Variants in BTD observed in about 807,000 individuals in gnomAD.
BTD encodes the protein biotinidase.
BTD carries 13 observed loss-of-function variants against 17.7 expected under a neutral mutation model. That is an observed-to-expected ratio of 0.74 (90% CI 0.48 to 1.17). BTD has a LOEUF of 1.17. Ranked by LOEUF, BTD falls within the 50% of genes most tolerant of loss-of-function variation. BTD has a pLI of 0.00. For synonymous variants in BTD, 240 were observed against 245.2 expected (o/e 0.98, Z 0.20); for missense variants, 674 against 650.4 (o/e 1.04, Z -0.39).
Position 15,642,003 on chromosome 3 carries a change from C to T in BTD, c.345C>T (p.Pro115=), listed in dbSNP as rs767937184. 1 of 1,614,180 alleles carries T rather than the reference C, an allele frequency of 6.2e-7. No homozygotes were observed. Among genetic ancestry groups the T allele is most frequent in the Admixed American group, 1.7e-5 (1 of 60,018 alleles). Residue 115 remains proline, a synonymous_variant, in exon 3 of 4, where the codon CCC becomes CCT. Coordinates refer to ENST00000643237, the MANE Select transcript of BTD (RefSeq NM_001370658.1). ...IYPFLDFMPS[P]QVVRWNPCLE... The stretch of plus-strand genomic sequence containing the variant: ...CATTTTTGGACTTCATGCCGTCTCC[C>T]CAGGTGGTCAGGTGGAACCCATGCC...
At chr3:15,655,581 C>A (rs1277181191), downstream of BTD, among the ~76,000 whole-genome samples, 1 of 152,134 alleles carries the variant, frequency 6.6e-6, no homozygotes, top group African/African-American at 2.4e-5. Context: ...GCCCAGAGAC[C>A]AGGCCTGGCT....
chr3:15,694,659 G>T, intron 3 of BTD: 1 of 1,248,962 alleles, frequency 8.0e-7, no homozygotes, highest in Non-Finnish European at 1.2e-6. Context: ...TATGGTACTA[G>T]TTTGAGTCAA....
chr3:15,609,568 C>A (rs1668777796), intron 1 of BTD, among the ~76,000 whole-genome samples: 2 of 152,074 alleles, frequency 1.3e-5, no homozygotes, highest in Non-Finnish European at 2.9e-5. Context: ...TGAGAGCTAC[C>A]CTTTCTCCAT....
chr3:15,685,420 A>G, intron 3 of BTD: 1 of 1,614,022 alleles, frequency 6.2e-7, no homozygotes, highest in South Asian at 1.1e-5. Context: ...TAATGCATCT[A>G]CACATTCTTC....
intron 1 of BTD, among the ~76,000 whole-genome samples, chr3:15,629,616 C>T (rs532416586): frequency 3.3e-5 from 5 of 152,282 alleles, no homozygotes; most frequent in Admixed American, 1.3e-4. Flanking sequence ...CTCCGCCGCC[C>T]GAGTTCAAGC....
chr3:15,671,750 A>C (rs2066386459), intron 3 of BTD, among the ~76,000 whole-genome samples: 1 of 151,744 alleles, frequency 6.6e-6, no homozygotes, highest in African/African-American at 2.4e-5. Context: ...TGACCAGCTA[A>C]TTTTTTATAT....
chr3:15,666,866 T>A (rs1408321039), intron 3 of BTD, among the ~76,000 whole-genome samples: 2 of 152,252 alleles, frequency 1.3e-5, no homozygotes, highest in African/African-American at 4.8e-5. Flanking sequence ...TAGTCTTCCA[T>A]GACGCCTGTT....
chr3:15,627,768 C>CAA (rs2065101713), intron 1 of BTD, among the ~76,000 whole-genome samples: 2 of 152,220 alleles, frequency 1.3e-5, no homozygotes, highest in Non-Finnish European at 2.9e-5. Flanking sequence ...ATTGCCCAGG[C>CAA]TGGAGTGCAA....
At chr3:15,714,142 T>G (rs1029557643), downstream of BTD, among the ~76,000 whole-genome samples, 1 of 152,140 alleles carries the variant, frequency 6.6e-6, no homozygotes, top group Admixed American at 6.6e-5. Context: ...GATTTAAAAG[T>G]TTAGCTTGCC....
intron 3 of BTD, among the ~76,000 whole-genome samples, chr3:15,642,547 C>T (rs149797326): frequency 0.011 from 1,602 of 151,664 alleles, 13 homozygotes; most frequent in Middle Eastern, 0.031. Context: ...CTCTGCCTTC[C>T]GGGTTCATGC....
intron 3 of BTD, among the ~76,000 whole-genome samples, chr3:15,690,568 TTTTTG>T (rs2068654609): frequency 6.6e-6 from 1 of 152,166 alleles, no homozygotes; most frequent in Non-Finnish European, 1.5e-5. Flanking sequence ...GCCTGTGTTT[TTTTTG>T]TTTTGTTTTG....
intron 1 of BTD, among the ~76,000 whole-genome samples, chr3:15,611,914 CTT>C (rs1279799373): frequency 5.3e-5 from 8 of 151,330 alleles, no homozygotes; most frequent in Non-Finnish European, 1.2e-4. Flanking sequence ...ATAGATTTCT[CTT>C]TGTTTTGTAT....
chr3:15,636,072 G>A (rs760303699), intron 2 of BTD, among the ~76,000 whole-genome samples: 2 of 152,142 alleles, frequency 1.3e-5, no homozygotes, highest in African/African-American at 2.4e-5. Context: ...ATGGCTGCCC[G>A]GGTCCTGGAG....
intron 3 of BTD, among the ~76,000 whole-genome samples, chr3:15,663,315 G>A (rs1053752204): frequency 2.0e-5 from 3 of 152,118 alleles, no homozygotes; most frequent in Admixed American, 1.3e-4. Context: ...TATAATCTTT[G>A]GTTTTGAAAT....
At chr3:15,716,318 G>T (rs2126117533), downstream of BTD, among the ~76,000 whole-genome samples, 1 of 150,318 alleles carries the variant, frequency 6.7e-6, no homozygotes, top group Admixed American at 6.6e-5. Context: ...AGAGATGGGG[G>T]TCTTGGTCTG....
intron 3 of BTD, among the ~76,000 whole-genome samples, chr3:15,643,051 A>AAAT (rs368778504): frequency 0.026 from 1,716 of 65,778 alleles, 50 homozygotes; most frequent in African/African-American, 0.095. Flanking sequence ...AAAATAAAAT[A>AAAT]AAATAAAGAA....
downstream of BTD, chr3:15,713,382 C>G (rs766932286): frequency 8.2e-5 from 49 of 599,578 alleles, no homozygotes; most frequent in Middle Eastern, 4.2e-4. Context: ...TAACCTACCA[C>G]TTTGTCAATA....
At chr3:15,657,825 G>GAA (rs369674664), downstream of BTD, among the ~76,000 whole-genome samples, 10 of 143,622 alleles carry the variant, frequency 7.0e-5, no homozygotes, top group Non-Finnish European at 4.6e-5. Flanking sequence ...AAGCAACACT[G>GAA]AAAAAAAAAA....
intron 2 of BTD, among the ~76,000 whole-genome samples, chr3:15,637,898 G>C (rs1046798678): frequency 2.0e-5 from 3 of 152,178 alleles, no homozygotes; most frequent in Non-Finnish European, 4.4e-5. Flanking sequence ...TTGAAACCAC[G>C]CCAGCTGCAC....
Sources: allele counts gnomAD v4.1 joint callset (sites outside exome capture counted in the v4.1 genomes callset), GRCh38; gene constraint gnomAD v4.1.1; transcripts MANE v1.5; gene names NCBI Gene and HGNC (gene_info 2026-07-23, HGNC 2026-07-21).